The following GNG12 variants were observed in gnomAD, a reference collection of about 807,000 sequenced individuals.
The protein encoded by GNG12 is guanine nucleotide-binding protein G(I)/G(S)/G(O) subunit gamma-12.
For synonymous variants in GNG12, 28 were observed against 29.7 expected (o/e 0.94, Z 0.19); for missense variants, 69 against 83.8 (o/e 0.82, Z 0.69).
chr1:67,773,478 C>T (rs1022120284), intron 2 of GNG12, among the ~76,000 whole-genome samples: 6 of 152,214 alleles, frequency 3.9e-5, no homozygotes, highest in East Asian at 3.9e-4. Context: ...GTTTATAGTT[C>T]GCTACCATCA....
At chr1:67,759,603 T>A (rs1051116106) in intron 2 of GNG12, among the ~76,000 whole-genome samples, 5 of 152,202 alleles carry the variant, frequency 3.3e-5, no homozygotes, top group African/African-American at 1.2e-4. Context: ...GAGAGTTAAA[T>A]GAAATCATGC....
At chr1:67,823,355 A>G (rs2100824707) in intron 1 of GNG12, among the ~76,000 whole-genome samples, 1 of 152,300 alleles carries the variant, frequency 6.6e-6, no homozygotes, top group East Asian at 1.9e-4. Context: ...GCTGAAAACT[A>G]TTTTTAATTC....
chr1:67,831,696 C>G (rs1168134099), intron 1 of GNG12, among the ~76,000 whole-genome samples: 1 of 152,072 alleles, frequency 6.6e-6, no homozygotes, highest in African/African-American at 2.4e-5. Flanking sequence ...ACTTAAGACT[C>G]TGTAAAATTT....
intron 1 of GNG12, among the ~76,000 whole-genome samples, chr1:67,823,590 C>T (rs1049044235): frequency 2.0e-5 from 3 of 152,198 alleles, no homozygotes; most frequent in Admixed American, 1.3e-4. Context: ...CGCCATCTCA[C>T]TCATAATCAA....
At chr1:67,773,286 T>C (rs767710885) in intron 2 of GNG12, among the ~76,000 whole-genome samples, 1 of 152,212 alleles carries the variant, frequency 6.6e-6, no homozygotes, top group South Asian at 2.1e-4. Flanking sequence ...TTATTCCCTA[T>C]CATTCTCGGC....
intron 2 of GNG12, among the ~76,000 whole-genome samples, chr1:67,719,477 T>G (rs1451232279): frequency 6.6e-6 from 1 of 152,184 alleles, no homozygotes; most frequent in East Asian, 1.9e-4. Context: ...TGCTTTTTTT[T>G]GTTTTCCGAA....
intron 1 of GNG12, among the ~76,000 whole-genome samples, chr1:67,821,325 G>GCAAAAA (rs1313311745): frequency 7.1e-6 from 1 of 139,874 alleles, no homozygotes; most frequent in East Asian, 2.0e-4. Context: ...AAGAGATGCA[G>GCAAAAA]CAAAAACAAA....
At chr1:67,807,551 T>C (rs1646900736) in intron 1 of GNG12, among the ~76,000 whole-genome samples, 1 of 150,662 alleles carries the variant, frequency 6.6e-6, no homozygotes, top group Non-Finnish European at 1.5e-5. Context: ...TCTGACAAGG[T>C]CAATAAAATT....
intron 2 of GNG12, among the ~76,000 whole-genome samples, chr1:67,724,754 G>C (rs1387596846): frequency 6.6e-6 from 1 of 152,182 alleles, no homozygotes; most frequent in African/African-American, 2.4e-5. Flanking sequence ...AACTATAAGA[G>C]TACAGAGTGG....
intron 2 of GNG12, among the ~76,000 whole-genome samples, chr1:67,760,283 T>C (rs501670): frequency 0.093 from 14,070 of 152,046 alleles, 852 homozygotes; most frequent in African/African-American, 0.16. Context: ...ACTCCCTGAG[T>C]TTCCAAGGCA....
intron 2 of GNG12, among the ~76,000 whole-genome samples, chr1:67,717,117 G>T (rs772132125): frequency 5.3e-5 from 8 of 152,180 alleles, no homozygotes; most frequent in Non-Finnish European, 8.8e-5. Context: ...AGATGATTCT[G>T]ATATAGGTCC....
chr1:67,766,893 A>C (rs139037861), intron 2 of GNG12, among the ~76,000 whole-genome samples: 177 of 152,276 alleles, frequency 1.2e-3, no homozygotes, highest in African/African-American at 4.2e-3. Context: ...TAGGGAATGC[A>C]GGTCTAGCTA....
At chr1:67,770,802 C>T (rs1197485793) in intron 2 of GNG12, among the ~76,000 whole-genome samples, 1 of 151,944 alleles carries the variant, frequency 6.6e-6, no homozygotes, top group Non-Finnish European at 1.5e-5. Flanking sequence ...TGCACACTCC[C>T]CCTGACCCCA....
intron 2 of GNG12, among the ~76,000 whole-genome samples, chr1:67,734,727 A>C (rs1322308007): frequency 6.6e-6 from 1 of 152,182 alleles, no homozygotes. Context: ...CCTGAGCTCC[A>C]GCAATCCTCC....
Position 67,805,848 on chromosome 1 carries a change from G to A in GNG12, c.-77+27496C>T, listed in dbSNP as rs561784140. Among the ~76,000 whole-genome samples, 97 of 149,742 alleles carry A rather than the reference G, an allele frequency of 6.5e-4. 2 individuals carry two copies. The South Asian group carries it at 0.02, about 30-fold the overall frequency. The stretch of plus-strand genomic sequence containing the variant: ...TAAATACTTAAAAAAAAAAACCTAG[G>A]CATAACATATTCCAACCTCAGAAAA... On this transcript the variant is annotated intron_variant, in intron 1 of 3. Coordinates refer to ENST00000370982, the MANE Select transcript of GNG12 (RefSeq NM_018841.6).
Position 67,706,896 on chromosome 1 carries a change from G to A in GNG12, c.93+698C>T, listed in dbSNP as rs189700510. Among the ~76,000 whole-genome samples, 42 of 152,184 alleles carry A rather than the reference G, an allele frequency of 2.8e-4. 1 individual carries two copies. The East Asian group carries it at 6.8e-3, about 25-fold the overall frequency. ...GCTGGTCTCGAATTCCCAACCTCAG[G>A]TGATCTGCCCGCCTCGGCCTCCCAA... On this transcript the variant is annotated intron_variant, in intron 3 of 3. Transcript: ENST00000370982.
chr1:67,706,292 A>T (rs1400774842), intron 3 of GNG12, among the ~76,000 whole-genome samples: 1 of 152,236 alleles, frequency 6.6e-6, no homozygotes, highest in Non-Finnish European at 1.5e-5. Context: ...ATTGGAATGC[A>T]GAACACACTT....
chr1:67,757,080 A>G (rs1646574078), intron 2 of GNG12, among the ~76,000 whole-genome samples: 1 of 152,158 alleles, frequency 6.6e-6, no homozygotes, highest in Non-Finnish European at 1.5e-5. Context: ...TTTTTCTCAG[A>G]TCTTGGAGTA....
chr1:67,799,024 G>A (rs545645627), intron 1 of GNG12, among the ~76,000 whole-genome samples: 2 of 152,044 alleles, frequency 1.3e-5, no homozygotes, highest in South Asian at 2.1e-4. Context: ...TTCTTAATAC[G>A]TTTCTCTAGC....
Sources: allele counts gnomAD v4.1 joint callset (sites outside exome capture counted in the v4.1 genomes callset), GRCh38; gene constraint gnomAD v4.1.1; transcripts MANE v1.5; gene names NCBI Gene and HGNC (gene_info 2026-07-23, HGNC 2026-07-21).